Variants in AKAP10 observed in about 807,000 individuals in gnomAD.
The protein encoded by AKAP10 is A-kinase anchoring protein 10, also known as A-kinase anchor protein 10, mitochondrial.
A neutral mutation model predicts 80.8 loss-of-function variants in AKAP10; 24 were observed. The ratio of observed to expected loss-of-function variants is 0.30; its 90% CI spans 0.22 to 0.42. The LOEUF is 0.42. Ranked by LOEUF, AKAP10 falls within the 10% of genes least tolerant of loss-of-function variation. The pLI is 1.00. For missense variants in AKAP10, 661 were observed against 794.9 expected (o/e 0.83, Z 2.03); for synonymous variants, 291 against 277.7 (o/e 1.05, Z -0.48).
chr17:19,946,846 G>A (rs1018955844), intron 5 of AKAP10, among the ~76,000 whole-genome samples: 6 of 152,106 alleles, frequency 3.9e-5, no homozygotes, highest in African/African-American at 1.4e-4. Flanking sequence ...GCCATGTGAT[G>A]GCTCTGGCTA....
chr17:19,957,970 G>A (rs2043299542), intron 4 of AKAP10, 44 bp downstream of exon 4: 2 of 1,512,918 alleles, frequency 1.3e-6, no homozygotes, highest in Admixed American at 2.2e-5. Flanking sequence ...ATTAAAAAAA[G>A]AAAGTGAGAC....
rs2042647823 is a variant in AKAP10, at chr17:19,907,865, ATTCT to A, written c.1983+1312_1983+1315del. ...TGGTAATTTGTGATTGACGTCAGAC[ATTCT>A]TTTTTTTTTTTGAGCCTGAGTTTTG... On this transcript the variant is annotated intron_variant, in intron 14 of 14. Coordinates refer to ENST00000225737, the MANE Select transcript of AKAP10 (RefSeq NM_007202.4). Among the ~76,000 whole-genome samples the A allele has an allele frequency of 4.7e-5, 7 of 149,466 alleles. 1 individual carries two copies. The South Asian group carries it at 1.5e-3, about 31-fold the overall frequency.
intron 14 of AKAP10, among the ~76,000 whole-genome samples, chr17:19,907,299 G>A (rs1032342727): frequency 2.0e-5 from 3 of 151,844 alleles, no homozygotes; most frequent in East Asian, 1.9e-4. Context: ...GATTATAGAC[G>A]TGAGCTACCA....
intron 12 of AKAP10, among the ~76,000 whole-genome samples, chr17:19,917,354 C>T (rs1342775484): frequency 2.0e-5 from 3 of 152,166 alleles, no homozygotes; most frequent in Admixed American, 6.5e-5. Flanking sequence ...TCCTTATGGA[C>T]AGAAGCTACC....
At chr17:19,968,324 C>A in intron 2 of AKAP10, 90 bp downstream of exon 2, 2 of 988,930 alleles carry the variant, frequency 2.0e-6, no homozygotes, top group Non-Finnish European at 3.0e-6. Context: ...ATGATTAATG[C>A]CAAAAGAGAG....
chr17:19,920,877 A>AGC, intron 11 of AKAP10, among the ~76,000 whole-genome samples: 1 of 149,392 alleles, frequency 6.7e-6, no homozygotes, highest in African/African-American at 2.5e-5. Flanking sequence ...AAAAAAAAAA[A>AGC]AAAAAAAAGC....
rs768974118 is a variant in AKAP10, at chr17:19,932,026, TA to T, written c.1468-49del. The T allele has an allele frequency of 4.0e-6, 6 of 1,514,400 alleles. No individual in the cohort carries two copies. The East Asian group carries it at 1.4e-4, about 35-fold the overall frequency. 93.8% of individuals were successfully genotyped at this position (1,514,400 alleles called of 1,614,324 possible). On this transcript the variant is annotated intron_variant, in intron 9 of 14. Transcript: ENST00000225737. ...TTTTAAAGTTGAAATCAAATCCAACTAAAACTGTTTTAAATAAATAAATTTT... is the reference window on the plus strand; with the variant it reads ...TTTTAAAGTTGAAATCAAATCCAACTAAACTGTTTTAAATAAATAAATTTT...
chr17:19,910,251 T>C (rs1320794067), intron 12 of AKAP10, among the ~76,000 whole-genome samples: 1 of 144,120 alleles, frequency 6.9e-6, no homozygotes, highest in Admixed American at 7.4e-5. Flanking sequence ...TGCTTGAACC[T>C]GGGAGCAGAG....
chr17:19,976,886 A>G (rs140435097), intron 1 of AKAP10, among the ~76,000 whole-genome samples: 354 of 152,276 alleles, frequency 2.3e-3, no homozygotes, highest in African/African-American at 8.2e-3. Flanking sequence ...ACAGACCCAT[A>G]CTTGCTCACT....
Position 19,949,638 on chromosome 17 carries a change from C to T in AKAP10, c.878-2133G>A, listed in dbSNP as rs541341265. On this transcript the variant is annotated intron_variant, in intron 4 of 14. Coordinates refer to ENST00000225737, the MANE Select transcript of AKAP10 (RefSeq NM_007202.4). ...CAAAAATTAGCTGGGCATGGTGGCG[C>T]GCACCTGTAATCCCAGCTACTCAGT... is the stretch of plus-strand genomic sequence containing the variant. 3.9e-5 allele frequency among the ~76,000 whole-genome samples: 6 copies of T among 151,994 alleles called. No individual in the cohort carries two copies. In the East Asian group the frequency reaches 5.8e-4, roughly 15 times the overall value.
chr17:19,919,993 A>T, intron 12 of AKAP10, 43 bp downstream of exon 12: 1 of 1,505,216 alleles, frequency 6.6e-7, no homozygotes, highest in Non-Finnish European at 9.2e-7. Flanking sequence ...TCAATCACTA[A>T]TGTGAGTAAA....
intron 7 of AKAP10, among the ~76,000 whole-genome samples, chr17:19,940,520 A>AT (rs2043040628): frequency 6.7e-6 from 1 of 149,406 alleles, no homozygotes; most frequent in Admixed American, 6.6e-5. Flanking sequence ...AGTAAAAATG[A>AT]TGAGCATAAG....
intron 9 of AKAP10, among the ~76,000 whole-genome samples, chr17:19,935,451 AT>A (rs1023934392): frequency 6.6e-6 from 1 of 151,866 alleles, no homozygotes; most frequent in African/African-American, 2.4e-5. Flanking sequence ...TTTATTTAAA[AT>A]TTTTTTCTTT....
chr17:19,955,163 A>T (rs1364902038), intron 4 of AKAP10, among the ~76,000 whole-genome samples: 1 of 152,046 alleles, frequency 6.6e-6, no homozygotes, highest in African/African-American at 2.4e-5. Flanking sequence ...CGGAGGTTGC[A>T]GTGAGCCGAG....
chr17:19,957,829 A>C (rs201629877), intron 4 of AKAP10, among the ~76,000 whole-genome samples, 185 bp downstream of exon 4: 1 of 151,574 alleles, frequency 6.6e-6, no homozygotes, highest in African/African-American at 2.4e-5. Flanking sequence ...AGGTCCAGTC[A>C]CTCCTGCTCC....
At chr17:19,977,463 G>T in intron 1 of AKAP10, 129 bp downstream of exon 1, 2 of 629,034 alleles carry the variant, frequency 3.2e-6, no homozygotes, top group Non-Finnish European at 4.6e-6. Context: ...CACTCAGGGG[G>T]CATCTGCGCC....
chr17:19,951,169 A>G (rs377761115), intron 4 of AKAP10, among the ~76,000 whole-genome samples: 2,498 of 69,006 alleles, frequency 0.036, 26 homozygotes, highest in East Asian at 0.13. Context: ...CAGCCGCCCC[A>G]TCTGGGAGGG....
chr17:19,932,802 T>C (rs1391778970), intron 9 of AKAP10, among the ~76,000 whole-genome samples: 1 of 152,172 alleles, frequency 6.6e-6, no homozygotes, highest in Non-Finnish European at 1.5e-5. Context: ...TTGTTTTTTT[T>C]TCAAATAATT....
chr17:19,932,794 GT>G (rs565011747), intron 9 of AKAP10, among the ~76,000 whole-genome samples: 8 of 147,286 alleles, frequency 5.4e-5, no homozygotes, highest in East Asian at 4.0e-4. Flanking sequence ...TTTCCACATT[GT>G]TTTTTTTTCA....
Sources: allele counts gnomAD v4.1 joint callset (sites outside exome capture counted in the v4.1 genomes callset), GRCh38; gene constraint gnomAD v4.1.1; transcripts MANE v1.5; gene names NCBI Gene and HGNC (gene_info 2026-07-23, HGNC 2026-07-21).